GABRG3: variants seen among roughly 807,000 people sequenced by gnomAD.
The protein encoded by GABRG3 is gamma-aminobutyric acid type A receptor subunit gamma3.
GABRG3 carries 25 observed loss-of-function variants against 48.8 expected under a neutral mutation model. The ratio of observed to expected loss-of-function variants is 0.51; its 90% confidence interval spans 0.37 to 0.72. The LOEUF is 0.72. Among genes scored for constraint, GABRG3 ranks in the 30% least tolerant of loss-of-function variants. The pLI, the probability that GABRG3 is intolerant of heterozygous loss-of-function variation, is 0.00. For synonymous variants in GABRG3, 227 were observed against 217.6 expected, an observed-to-expected ratio of 1.04 and a Z score of -0.38; for missense variants, 394 against 577.9, an observed-to-expected ratio of 0.68 and a Z score of 3.26.
At chr15:27,090,221 G>T (rs1474976000) in intron 3 of GABRG3, among the ~76,000 whole-genome samples, 2 of 152,182 alleles carry the variant, frequency 1.3e-5, no homozygotes, top group African/African-American at 4.8e-5. Flanking sequence ...TATGTTTTGT[G>T]TTAGATTATT....
intron 6 of GABRG3, among the ~76,000 whole-genome samples, chr15:27,494,026 ACTTTTT>A (rs956302778): frequency 1.6e-4 from 24 of 152,182 alleles, no homozygotes; most frequent in African/African-American, 4.1e-4. Flanking sequence ...AATTTTGTCT[ACTTTTT>A]CTTTATCATT....
At chr15:27,394,596 C>T (rs1887243923) in intron 5 of GABRG3, among the ~76,000 whole-genome samples, 1 of 151,914 alleles carries the variant, frequency 6.6e-6, no homozygotes, top group South Asian at 2.1e-4. Context: ...TTTGTTTTTT[C>T]ATTTTAGCCA....
intron 3 of GABRG3, among the ~76,000 whole-genome samples, chr15:27,263,894 C>T (rs536613142): frequency 3.3e-5 from 5 of 150,944 alleles, no homozygotes; most frequent in Admixed American, 6.6e-5. Context: ...CCACTGCACT[C>T]CAGCCTGGGC....
At chr15:27,161,309 ATTGTT>A (rs1887179221) in intron 3 of GABRG3, 1 of 152,172 alleles carries the variant, frequency 6.6e-6, no homozygotes. Flanking sequence ...GACAAAGGAC[ATTGTT>A]ACACTGTAGG....
intron 5 of GABRG3, among the ~76,000 whole-genome samples, chr15:27,386,700 C>A (rs904309268): frequency 2.0e-5 from 3 of 152,096 alleles, no homozygotes; most frequent in African/African-American, 4.8e-5. Flanking sequence ...GTGAGCAACC[C>A]CTGGCTAAGA....
intron 2 of GABRG3, among the ~76,000 whole-genome samples, chr15:27,019,225 C>A (rs60161396): frequency 6.6e-6 from 1 of 151,942 alleles, no homozygotes; most frequent in African/African-American, 2.4e-5. Flanking sequence ...CCCGCCACCA[C>A]GCCTGGCTAA....
At chr15:26,992,956 T>C (rs1895275498) in intron 2 of GABRG3, among the ~76,000 whole-genome samples, 2 of 152,076 alleles carry the variant, frequency 1.3e-5, no homozygotes, top group South Asian at 4.1e-4. Flanking sequence ...ATGTATCATC[T>C]AGGAATTTAT....
chr15:27,309,251 C>G (rs1160884972), intron 3 of GABRG3, among the ~76,000 whole-genome samples: 1 of 151,290 alleles, frequency 6.6e-6, no homozygotes, highest in East Asian at 1.9e-4. Flanking sequence ...TATATAAACA[C>G]ACATATACAC....
rs1887854535 is a variant in GABRG3 at position 27,179,479 on chromosome 15, A to G, written c.271-147330A>G. ...ATCTTCCCCTGATTTTTGTGATACA[A>G]TTTCGCTGGCTTTATGCTTGGTCTG... is the stretch of plus-strand genomic sequence containing the variant. On this transcript the variant is annotated intron_variant, in intron 3 of 9. Coordinates refer to ENST00000615808, the MANE Select transcript of GABRG3 (RefSeq NM_033223.5). This position sits in a 1 kb window ranked among gnomAD's most constrained non-coding sequence, Gnocchi z 4.0. 6.6e-6 allele frequency among the ~76,000 whole-genome samples: 1 copy of G among 152,196 alleles called. No individual in the cohort carries two copies. Among genetic ancestry groups the G allele is most frequent in the Non-Finnish European group, 1.5e-5 (1 of 68,046 alleles).
At chr15:27,025,227 A>G (rs973433045) in intron 2 of GABRG3, among the ~76,000 whole-genome samples, 2 of 152,072 alleles carry the variant, frequency 1.3e-5, no homozygotes, top group African/African-American at 4.8e-5. Flanking sequence ...TTAATGATAT[A>G]CAAATCTCTG....
rs533371847 is a variant in GABRG3 at position 27,245,172 on chromosome 15, G to A, written c.271-81637G>A. Among the ~76,000 whole-genome samples the A allele has an allele frequency of 3.3e-5, 5 of 152,276 alleles. No homozygotes were observed. The South Asian group carries it at 1.0e-3, about 32-fold the overall frequency. On this transcript the variant is annotated intron_variant, in intron 3 of 9. Transcript: ENST00000615808. ...TCTGCTGCGGTGTGGGAGAAGGGGA[G>A]GTGAGGCATAGCCAGGCCTTGGAAG...
At chr15:27,162,790 G>A (rs1253367921) in intron 3 of GABRG3, among the ~76,000 whole-genome samples, 1 of 152,050 alleles carries the variant, frequency 6.6e-6, no homozygotes, top group Non-Finnish European at 1.5e-5. Context: ...ATTCACAGTT[G>A]GGATAAGGGA....
chr15:27,487,693 G>A (rs1467606600), intron 6 of GABRG3, among the ~76,000 whole-genome samples: 1 of 152,108 alleles, frequency 6.6e-6, no homozygotes, highest in Non-Finnish European at 1.5e-5. Context: ...TCCATTGTAG[G>A]ATTATATTAC....
At chr15:27,388,461 T>G (rs1896116558) in intron 5 of GABRG3, among the ~76,000 whole-genome samples, 1 of 150,758 alleles carries the variant, frequency 6.6e-6, no homozygotes, top group African/African-American at 2.4e-5. Context: ...ATTCAAACAT[T>G]GCTGTTGGAT....
At chr15:27,115,955 C>T (rs1371630966) in intron 3 of GABRG3, among the ~76,000 whole-genome samples, 1 of 152,190 alleles carries the variant, frequency 6.6e-6, no homozygotes, top group Non-Finnish European at 1.5e-5. Flanking sequence ...CAGTGCAGAA[C>T]TTGGGCTCAA....
At chr15:27,332,197 C>T (rs911118308) in intron 5 of GABRG3, among the ~76,000 whole-genome samples, 1 of 152,148 alleles carries the variant, frequency 6.6e-6, no homozygotes, top group African/African-American at 2.4e-5. Flanking sequence ...CAGGAAGAGG[C>T]CAATCCTAAT....
At chr15:27,144,767 G>A (rs898368191) in intron 3 of GABRG3, among the ~76,000 whole-genome samples, 8 of 152,198 alleles carry the variant, frequency 5.3e-5, no homozygotes, top group African/African-American at 1.9e-4. Flanking sequence ...AATGCTAAGT[G>A]AATGTTAATA....
At chr15:27,177,740 A>G (rs1887791556) in intron 3 of GABRG3, among the ~76,000 whole-genome samples, 2 of 152,220 alleles carry the variant, frequency 1.3e-5, no homozygotes, top group Admixed American at 6.5e-5. Flanking sequence ...AGCCTCAGAG[A>G]CTGAGTCAAA....
chr15:27,015,386 T>C (rs1295271681), intron 2 of GABRG3, among the ~76,000 whole-genome samples: 4 of 145,726 alleles, frequency 2.7e-5, no homozygotes, highest in African/African-American at 1.0e-4. Flanking sequence ...GTGTTTGATT[T>C]TTTTTTTTTT....
Sources: gnomAD v4.1 joint callset for allele counts (sites outside exome capture counted in the v4.1 genomes callset) on GRCh38, gnomAD v4.1.1 for gene constraint, Gnocchi (gnomAD v3.1) non-coding constraint, MANE v1.5 for transcripts, NCBI Gene and HGNC (gene_info 2026-07-23, HGNC 2026-07-21) for gene names.